GPHN: variants seen among roughly 807,000 people sequenced by gnomAD.
The protein encoded by GPHN is gephyrin.
Under a neutral mutation model 95.5 loss-of-function variants are expected in GPHN, and 17 were observed. That is an observed-to-expected ratio of 0.18 (90% CI 0.12 to 0.27). The LOEUF (loss-of-function observed/expected upper bound fraction) is 0.27. Ranked by LOEUF, GPHN falls within the 10% of genes least tolerant of loss-of-function variation. The probability of loss-of-function intolerance (pLI) is 1.00; values close to 1 mark genes in which losing one functional copy is unlikely to be tolerated. For missense variants in GPHN, 660 were observed against 978.1 expected, an observed-to-expected ratio of 0.67 and a Z score of 4.34; for synonymous variants, 320 against 322.5, an observed-to-expected ratio of 0.99 and a Z score of 0.08.
At chr14:66,579,862 A>G (rs1435907166) in intron 1 of GPHN, among the ~76,000 whole-genome samples, 1 of 151,824 alleles carries the variant, frequency 6.6e-6, no homozygotes, top group African/African-American at 2.4e-5. Context: ...TCACACAGTA[A>G]AGCAACTGTA....
chr14:66,756,130 A>G (rs2058547289), intron 2 of GPHN, among the ~76,000 whole-genome samples: 1 of 152,156 alleles, frequency 6.6e-6, no homozygotes, highest in South Asian at 2.1e-4. Context: ...TGTTGAATAT[A>G]TTCATGAATT....
chr14:67,636,667 A>G, the GPHN span, among the ~76,000 whole-genome samples: 1 of 152,200 alleles, frequency 6.6e-6, no homozygotes, highest in African/African-American at 2.4e-5. Flanking sequence ...GAGCCTGGAG[A>G]GGTTTATCAA....
chr14:67,461,193 T>C, the GPHN span, among the ~76,000 whole-genome samples: 1 of 152,216 alleles, frequency 6.6e-6, no homozygotes, highest in East Asian at 1.9e-4. Flanking sequence ...ATAGTTGACA[T>C]TGATTGGGTG....
the GPHN span, chr14:67,583,978 C>G: frequency 6.2e-7 from 1 of 1,613,922 alleles, no homozygotes; most frequent in East Asian, 2.2e-5. Context: ...CTATTTCTCT[C>G]CATCTGCCCA....
At chr14:67,488,319 T>G in the GPHN span, among the ~76,000 whole-genome samples, 1 of 152,154 alleles carries the variant, frequency 6.6e-6, no homozygotes, top group African/African-American at 2.4e-5. Flanking sequence ...CGAGGAGAAG[T>G]GAAAGGGCAG....
intron 5 of GPHN, among the ~76,000 whole-genome samples, chr14:66,903,052 G>A (rs1233166473): frequency 1.3e-5 from 2 of 152,078 alleles, no homozygotes; most frequent in Non-Finnish European, 2.9e-5. Flanking sequence ...AAACCAGGAA[G>A]AAGAAAAGAA....
chr14:66,765,897 A>T (rs2058946650), intron 2 of GPHN, among the ~76,000 whole-genome samples: 1 of 152,216 alleles, frequency 6.6e-6, no homozygotes. Context: ...CTTCATTTCA[A>T]TCTTTCTTAT....
At chr14:66,732,402 C>T (rs2071854116) in intron 2 of GPHN, among the ~76,000 whole-genome samples, 1 of 152,216 alleles carries the variant, frequency 6.6e-6, no homozygotes, top group Non-Finnish European at 1.5e-5. Flanking sequence ...AGTGACTGCC[C>T]CAATGGATTT....
intron 4 of GPHN, among the ~76,000 whole-genome samples, chr14:66,840,976 TATAGATATAG>T (rs1474234926): frequency 3.8e-4 from 1 of 2,642 alleles, no homozygotes; most frequent in Non-Finnish European, 1.0e-3. Context: ...ACTAGATAGA[TATAGATATAG>T]ATATAGATAT....
the GPHN span, among the ~76,000 whole-genome samples, chr14:67,344,395 A>G: frequency 6.6e-6 from 1 of 152,210 alleles, no homozygotes; most frequent in African/African-American, 2.4e-5. Context: ...TTGAGTTGAC[A>G]CTATTATAAT....
chr14:66,814,916 T>C (rs2060904817), intron 3 of GPHN, among the ~76,000 whole-genome samples: 1 of 152,032 alleles, frequency 6.6e-6, no homozygotes. Context: ...AAAATCATGA[T>C]AAAACATGGC....
intron 2 of GPHN, among the ~76,000 whole-genome samples, chr14:66,739,016 C>A (rs1466518966): frequency 1.3e-5 from 2 of 151,848 alleles, no homozygotes; most frequent in East Asian, 3.9e-4. Flanking sequence ...AGTAACTTGT[C>A]TACTCTGCTT....
At chr14:67,372,657 C>T in the GPHN span, among the ~76,000 whole-genome samples, 2 of 151,842 alleles carry the variant, frequency 1.3e-5, no homozygotes, top group South Asian at 2.1e-4. Context: ...GGTGAAACCC[C>T]GTCTCTACTA....
chr14:67,388,206 G>A, the GPHN span: 2 of 1,568,662 alleles, frequency 1.3e-6, no homozygotes, highest in Non-Finnish European at 1.8e-6. Flanking sequence ...TCAGGCCAGG[G>A]CTGAAGTTGT....
the GPHN span, among the ~76,000 whole-genome samples, chr14:67,514,343 C>T: frequency 2.0e-5 from 3 of 152,118 alleles, no homozygotes; most frequent in Non-Finnish European, 4.4e-5. Flanking sequence ...GGGAAAGAGG[C>T]CAATGTCTCC....
intron 7 of GPHN, 149 bp downstream of exon 7, chr14:66,923,087 C>G (rs2066303560): frequency 1.4e-6 from 1 of 707,230 alleles, no homozygotes; most frequent in Non-Finnish European, 2.5e-6. Flanking sequence ...CACTCCACTA[C>G]TATGTTTCCT....
the GPHN span, chr14:67,199,461 G>C: frequency 6.8e-6 from 11 of 1,612,862 alleles, no homozygotes; most frequent in East Asian, 2.5e-4. Context: ...AAGATTATGT[G>C]GGACCCTGAC....
intron 4 of GPHN, among the ~76,000 whole-genome samples, chr14:66,853,105 G>C (rs1400652624): frequency 6.6e-6 from 1 of 152,068 alleles, no homozygotes. Context: ...TGCATTTGGG[G>C]AACATCTGTA....
chr14:67,454,886 T>G, the GPHN span, among the ~76,000 whole-genome samples: 1 of 151,832 alleles, frequency 6.6e-6, no homozygotes, highest in African/African-American at 2.4e-5. Flanking sequence ...TTTTTTTTTC[T>G]TTTTTGAGAC....
Sources: allele counts gnomAD v4.1 joint callset (sites outside exome capture counted in the v4.1 genomes callset), GRCh38; gene constraint gnomAD v4.1.1; transcripts MANE v1.5; gene names NCBI Gene and HGNC (gene_info 2026-07-23, HGNC 2026-07-21).